The following SLC7A13 variants were observed in gnomAD, a reference collection of about 807,000 sequenced individuals.
SLC7A13 encodes the protein solute carrier family 7 member 13.
A neutral mutation model predicts 32.0 loss-of-function variants in SLC7A13; 31 were observed. The ratio of observed to expected loss-of-function variants is 0.97; its 90% CI spans 0.73 to 1.31. The LOEUF is 1.31. Among genes scored for constraint, SLC7A13 ranks in the 50% most tolerant of loss-of-function variants. The pLI, the probability that SLC7A13 is intolerant of heterozygous loss-of-function variation, is 0.00. For synonymous variants in SLC7A13, 232 were observed against 206.9 expected, an observed-to-expected ratio of 1.12 and a Z score of -1.04; for missense variants, 633 against 546.9, an observed-to-expected ratio of 1.16 and a Z score of -1.57.
Position 86,217,615 on chromosome 8 carries a change from G to A in SLC7A13, c.1034C>T (p.Thr345Ile), listed in dbSNP as rs562849040. The A allele has an allele frequency of 1.2e-6, 2 of 1,613,378 alleles. No individual in the cohort carries two copies. Among genetic ancestry groups the A allele is most frequent in the Admixed American group, 1.7e-5 (1 of 59,920 alleles). The change falls in exon 3 of 4, where the codon ACT (threonine) becomes ATT (isoleucine). Residue 345 changes from threonine (T) to isoleucine (I), a missense_variant. Transcript: ENST00000297524. ...SPFTAVLLLVTLGSLAIILTS... is the reference protein window; with the variant it reads ...SPFTAVLLLVILGSLAIILTS... Reference sequence around the variant, plus strand: ...TAAGATAATTGCAAGGGATCCCAAAGTGACAAGTAGTAGCACAGCTGTAAA... The same window carrying A: ...TAAGATAATTGCAAGGGATCCCAAAATGACAAGTAGTAGCACAGCTGTAAA...
At chr8:86,222,937 A>G in intron 2 of SLC7A13, 35 bp downstream of exon 2, 1 of 1,551,310 alleles carries the variant, frequency 6.4e-7, no homozygotes, top group Non-Finnish European at 8.7e-7. Context: ...AAGGACCAGC[A>G]CTTTATTTAT....
At position 86,229,676 on chromosome 8, in the gene SLC7A13, A is replaced by G; in HGVS notation, c.602T>C (p.Leu201Pro). ...ERFQNAFDAE[L>P]PDISHLIQAI... ...TTGTATAAGGTGAGAGATATCTGGAAGTTCAGCATCAAAAGCATTCTGAAA... is the reference window on the plus strand; with the variant it reads ...TTGTATAAGGTGAGAGATATCTGGAGGTTCAGCATCAAAAGCATTCTGAAA... Residue 201 changes from leucine to proline, a missense_variant, in exon 1 of 4, where the codon CTT becomes CCT. By Grantham distance (98) the Leu-to-Pro change is moderately conservative. Transcript: ENST00000297524. 6.2e-7 allele frequency: 1 copy of G among 1,614,218 alleles called. No homozygotes were observed. The highest frequency in any genetic ancestry group is 8.5e-7 in the Non-Finnish European group (1 of 1,180,036).
rs1289114559 is a variant in SLC7A13, at chr8:86,217,746, G to A, written c.903C>T (p.Ser301=). 6.2e-7 allele frequency: 1 copy of A among 1,613,194 alleles called. No individual in the cohort carries two copies. The highest frequency in any genetic ancestry group is 8.5e-7 in the Non-Finnish European group (1 of 1,179,532). ...MPFAISTSLF[S]NLLISIFKSS... is the part of the protein sequence containing the mutation. ...ATTTAAATATAGAAATCAGAAGGTT[G>A]CTAAATAATGAGGTAGAAATAGCAA... The change falls in exon 3 of 4, where the codon AGC becomes AGT. Residue 301 remains serine, a synonymous_variant. Coordinates refer to ENST00000297524, the MANE Select transcript of SLC7A13 (RefSeq NM_138817.3).
chr8:86,226,091 C>T (rs1041865512), intron 1 of SLC7A13, among the ~76,000 whole-genome samples: 4 of 152,102 alleles, frequency 2.6e-5, no homozygotes, highest in Non-Finnish European at 4.4e-5. Context: ...TCACCACTAG[C>T]GGCTTGTGAG....
At chr8:86,219,859 T>C (rs1330780647) in intron 2 of SLC7A13, among the ~76,000 whole-genome samples, 1 of 152,180 alleles carries the variant, frequency 6.6e-6, no homozygotes, top group African/African-American at 2.4e-5. Context: ...CCTCCCATTC[T>C]TGATAGTTGT....
At chr8:86,222,741 T>C (rs73271432) in intron 2 of SLC7A13, among the ~76,000 whole-genome samples, 2,447 of 152,306 alleles carry the variant, frequency 0.016, 72 homozygotes, top group African/African-American at 0.055. Flanking sequence ...ACACCATACA[T>C]CAACATTATA....
intron 2 of SLC7A13, among the ~76,000 whole-genome samples, chr8:86,220,786 T>C (rs1820281382): frequency 6.6e-6 from 1 of 151,870 alleles, no homozygotes; most frequent in African/African-American, 2.4e-5. Context: ...GAGAATCAGT[T>C]GAGGTCAGAC....
intron 3 of SLC7A13, among the ~76,000 whole-genome samples, 186 bp from the exon 4 acceptor site, chr8:86,214,832 T>A (rs1820152081): frequency 6.6e-6 from 1 of 152,194 alleles, no homozygotes; most frequent in African/African-American, 2.4e-5. Flanking sequence ...TGTTGAAGAC[T>A]GTCATTGTCA....
At position 86,214,940 on chromosome 8, in the gene SLC7A13, T is replaced by C. The variant is rs1213902213; in HGVS notation, c.1180-294A>G. ...TCACTATCTACTGATCTGGGTACCA[T>C]GAATCTGTTAAGAGGGAGTTTCTAA... is the stretch of plus-strand genomic sequence containing the variant. On this transcript the variant is annotated intron_variant, in intron 3 of 3. Transcript: ENST00000297524. Among the ~76,000 whole-genome samples, 3 of 152,138 alleles carry C rather than the reference T, an allele frequency of 2.0e-5. No homozygotes were observed. The East Asian group carries it at 5.8e-4, about 29-fold the overall frequency.
chr8:86,229,658 A>T lies in SLC7A13; in HGVS notation c.620T>A (p.Leu207His). The T allele has an allele frequency of 1.2e-6, 2 of 1,614,172 alleles. No homozygotes were observed. The highest frequency in any genetic ancestry group is 1.7e-6 in the Non-Finnish European group (2 of 1,180,034). The part of the protein sequence containing the change: ...FDAELPDISH[L>H]IQAIFQGYFA... ...ATATCCTTGGAAGATGGCTTGTATA[A>T]GGTGAGAGATATCTGGAAGTTCAGC... Residue 207 changes from leucine to histidine, a missense_variant, in exon 1 of 4, where the codon CTT becomes CAT. Coordinates refer to ENST00000297524, the MANE Select transcript of SLC7A13 (RefSeq NM_138817.3).
intron 2 of SLC7A13, among the ~76,000 whole-genome samples, chr8:86,221,761 A>G (rs2129793635): frequency 6.6e-6 from 1 of 152,310 alleles, no homozygotes; most frequent in East Asian, 1.9e-4. Flanking sequence ...TCATTGTGCC[A>G]TCTACAAAAT....
intron 1 of SLC7A13, among the ~76,000 whole-genome samples, chr8:86,225,912 T>TA (rs1224201202): frequency 1.3e-5 from 2 of 152,054 alleles, no homozygotes; most frequent in Non-Finnish European, 2.9e-5. Flanking sequence ...GCCTGGGTGA[T>TA]AAAAAATAGA....
Position 86,230,009 on chromosome 8 carries a change from G to A in SLC7A13, c.269C>T (p.Ser90Phe). The stretch of plus-strand genomic sequence containing the variant: ...CCAGAGATTCAAAAAAGCAACCGTG[G>A]AGCCAAAGTATCTCTTGAGAAAATA... ...QYYFLKRYFG[S>F]TVAFLNLWTS... is the part of the protein sequence containing the mutation. The change falls in exon 1 of 4, where the codon TCC (serine) becomes TTC (phenylalanine). Residue 90 changes from serine to phenylalanine, a missense_variant. Physicochemically the swap from Ser to Phe is radical, Grantham distance 155 (BLOSUM62 -2). Coordinates refer to ENST00000297524, the MANE Select transcript of SLC7A13 (RefSeq NM_138817.3). 1 of 1,614,134 alleles carries A rather than the reference G, an allele frequency of 6.2e-7. No individual in the cohort carries two copies. Among genetic ancestry groups the A allele is most frequent in the Non-Finnish European group, 8.5e-7 (1 of 1,180,028 alleles).
At chr8:86,218,931 T>G (rs1820241544) in intron 2 of SLC7A13, among the ~76,000 whole-genome samples, 1 of 152,118 alleles carries the variant, frequency 6.6e-6, no homozygotes, top group Non-Finnish European at 1.5e-5. Flanking sequence ...TTTCCAGGGG[T>G]ACTTTTGGGA....
intron 1 of SLC7A13, among the ~76,000 whole-genome samples, chr8:86,223,755 TATTC>T (rs1372326525): frequency 2.0e-5 from 3 of 150,458 alleles, no homozygotes; most frequent in South Asian, 2.1e-4. Flanking sequence ...AGGCTCTTCT[TATTC>T]ATTCAGCCAC....
chr8:86,230,127 A>G lies in SLC7A13; in HGVS notation c.151T>C (p.Cys51Arg). 6.2e-7 allele frequency: 1 copy of G among 1,614,178 alleles called. No homozygotes were observed. Among genetic ancestry groups the G allele is most frequent in the South Asian group, 1.1e-5 (1 of 91,084 alleles). Residue 51 changes from cysteine to arginine, a missense_variant, in exon 1 of 4, where the codon TGC becomes CGC. Transcript: ENST00000297524. ...AGTATGGCACAGCCAGCCCAAACGCACAGGGAGACTCCCACGTTCATGCAA... is the reference window on the plus strand; with the variant it reads ...AGTATGGCACAGCCAGCCCAAACGCGCAGGGAGACTCCCACGTTCATGCAA... ...YSCMNVGVSL[C>R]VWAGCAILAM...
intron 3 of SLC7A13, chr8:86,215,616 G>A: frequency 2.4e-6 from 1 of 409,040 alleles, no homozygotes; most frequent in Non-Finnish European, 4.9e-6. Context: ...AACCCAGGAA[G>A]CAGAGGTTGC....
chr8:86,227,241 G>A (rs1008616918), intron 1 of SLC7A13, among the ~76,000 whole-genome samples: 2 of 152,238 alleles, frequency 1.3e-5, no homozygotes, highest in Admixed American at 6.5e-5. Context: ...TTAGTGGTGG[G>A]GGACCTGAGA....
chr8:86,222,930 GA>G, intron 2 of SLC7A13, 41 bp downstream of exon 2: 2 of 1,536,548 alleles, frequency 1.3e-6, no homozygotes, highest in South Asian at 2.7e-5. Context: ...ACGTTGAAAG[GA>G]CCAGCACTTT....
Sources: allele counts gnomAD v4.1 joint callset (sites outside exome capture counted in the v4.1 genomes callset), GRCh38; gene constraint gnomAD v4.1.1; transcripts MANE v1.5; gene names NCBI Gene and HGNC (gene_info 2026-07-23, HGNC 2026-07-21).